Variants in ELP4 observed in about 807,000 individuals in gnomAD.
ELP4 encodes the protein elongator complex protein 4.
ELP4 carries 51 observed loss-of-function variants against 48.9 expected under a neutral mutation model. The ratio of observed to expected loss-of-function variants is 1.04; its 90% CI spans 0.83 to 1.32. The LOEUF (loss-of-function observed/expected upper bound fraction) is 1.32, where lower values mean the gene tolerates loss of function less well. Among genes scored for constraint, ELP4 ranks in the 40% most tolerant of loss-of-function variants. The pLI is 0.00. For missense variants in ELP4, 519 were observed against 514.6 expected (o/e 1.01, Z -0.08); for synonymous variants, 210 against 189.2 (o/e 1.11, Z -0.90).
chr11:31,738,714 C>G (rs570781802), intron 9 of ELP4, among the ~76,000 whole-genome samples: 2 of 151,848 alleles, frequency 1.3e-5, no homozygotes, highest in African/African-American at 4.8e-5. Context: ...GTACTATAGC[C>G]TGGGCAACAG....
chr11:31,648,921 T>A (rs1251106393), intron 8 of ELP4: 1 of 151,564 alleles, frequency 6.6e-6, no homozygotes, highest in Non-Finnish European at 1.5e-5. Context: ...ATAAGGCCTC[T>A]TGATAGCTAA....
chr11:31,555,929 CTGTAATTGT>C (rs1956924228), intron 3 of ELP4, among the ~76,000 whole-genome samples: 1 of 151,780 alleles, frequency 6.6e-6, no homozygotes, highest in South Asian at 2.1e-4. Flanking sequence ...GGGGAAAATG[CTGTAATTGT>C]TTGGTTTTAA....
At position 31,594,913 on chromosome 11, in the gene ELP4, T is replaced by C. The variant is rs1443769205; in HGVS notation, c.513+12T>C. 1.9e-6 allele frequency: 3 copies of C among 1,545,106 alleles called. No homozygotes were observed. ...TACCCAAGATGGAGGCAAGTAAACA[T>C]ACAAATTCTTTCCAAAATTTGCAAA... On this transcript the variant is annotated intron_variant, in intron 4 of 9. Transcript: ENST00000640961.
At chr11:31,693,211 A>G (rs552002534) in intron 9 of ELP4, among the ~76,000 whole-genome samples, 23 of 152,184 alleles carry the variant, frequency 1.5e-4, no homozygotes, top group African/African-American at 5.3e-4. Context: ...CATAACATGC[A>G]GGTTTGTTAC....
At chr11:31,762,093 A>G (rs1185653019) in intron 9 of ELP4, 1 of 152,236 alleles carries the variant, frequency 6.6e-6, no homozygotes, top group African/African-American at 2.4e-5. Flanking sequence ...GGCAGAAATG[A>G]TCTACAGTGA....
chr11:31,729,314 AG>A (rs1276408335), intron 9 of ELP4, among the ~76,000 whole-genome samples: 1 of 152,212 alleles, frequency 6.6e-6, no homozygotes, highest in Non-Finnish European at 1.5e-5. Flanking sequence ...TTCCGCAATT[AG>A]TATCTATGTA....
At chr11:31,555,457 G>A (rs928119328) in intron 3 of ELP4, among the ~76,000 whole-genome samples, 5 of 151,572 alleles carry the variant, frequency 3.3e-5, no homozygotes, top group Non-Finnish European at 7.4e-5. Flanking sequence ...TTACATATTT[G>A]TTATGGAATA....
At chr11:31,628,073 T>C (rs1424386990) in intron 6 of ELP4, among the ~76,000 whole-genome samples, 2 of 152,120 alleles carry the variant, frequency 1.3e-5, no homozygotes, top group Non-Finnish European at 2.9e-5. Flanking sequence ...GAAATACTTA[T>C]GTGTGTATGA....
chr11:31,771,480 C>T (rs1390743085), intron 9 of ELP4, among the ~76,000 whole-genome samples: 3 of 152,192 alleles, frequency 2.0e-5, no homozygotes, highest in African/African-American at 7.2e-5. Context: ...TCACTTACTA[C>T]ACTTTAGAAA....
intron 9 of ELP4, chr11:31,715,136 A>C (rs1242992291): frequency 4.7e-6 from 1 of 211,358 alleles, no homozygotes; most frequent in Non-Finnish European, 9.3e-6. Context: ...ATAAACTAAT[A>C]TTTCTCATTT....
chr11:31,634,977 G>A (rs890964980), intron 7 of ELP4, among the ~76,000 whole-genome samples: 1 of 151,782 alleles, frequency 6.6e-6, no homozygotes, highest in East Asian at 1.9e-4. Context: ...TTATCATATA[G>A]TAGTCTTCTG....
At chr11:31,737,927 C>T (rs531316086) in intron 9 of ELP4, among the ~76,000 whole-genome samples, 15 of 152,172 alleles carry the variant, frequency 9.9e-5, no homozygotes, top group South Asian at 6.2e-4. Context: ...TGCAGCAATT[C>T]GACTTCTGGC....
rs78993508 is a variant in ELP4, at chr11:31,759,442, T to C, written c.1144-23951T>C. ...TAGGGTAAGGAAAATATATCATTCA[T>C]GGATATGCAAACTATCCTTTCTTTT... On this transcript the variant is annotated intron_variant, in intron 9 of 9. Transcript: ENST00000640961. 9.5e-4 allele frequency among the ~76,000 whole-genome samples: 145 copies of C among 152,356 alleles called. 1 individual carries two copies. In the East Asian group the frequency reaches 0.024, roughly 25 times the overall value.
At chr11:31,673,681 A>G (rs1052700746) in intron 9 of ELP4, among the ~76,000 whole-genome samples, 7 of 152,198 alleles carry the variant, frequency 4.6e-5, no homozygotes, top group South Asian at 2.1e-4. Context: ...TGCATAAATC[A>G]TAGTCCCATT....
intron 1 of ELP4, chr11:31,511,215 C>T (rs1189633409): frequency 6.6e-6 from 1 of 152,090 alleles, no homozygotes; most frequent in African/African-American, 2.4e-5. Flanking sequence ...AGAAGTGATT[C>T]AAAATATCTA....
At chr11:31,700,511 T>A (rs1166198955) in intron 9 of ELP4, among the ~76,000 whole-genome samples, 1 of 152,038 alleles carries the variant, frequency 6.6e-6, no homozygotes, top group East Asian at 1.9e-4. Flanking sequence ...ATTTTTGGAT[T>A]TTTGGAATTG....
chr11:31,789,457 G>A lies in ELP4; in HGVS notation c.*5933G>A, dbSNP rs1246154713. ...TGTTCCAGGTTTAATTATATGCAAAGGAATGATACAAACTTGGAACATCAG... is the reference window on the plus strand; with the variant it reads ...TGTTCCAGGTTTAATTATATGCAAAAGAATGATACAAACTTGGAACATCAG... On this transcript the variant is annotated 3_prime_UTR_variant, in exon 10 of 10. Coordinates refer to ENST00000640961, the MANE Select transcript of ELP4 (RefSeq NM_019040.5). The A allele has an allele frequency of 6.5e-6, 3 of 462,566 alleles. No homozygotes were observed. The highest frequency in any genetic ancestry group is 2.0e-5 in the African/African-American group (1 of 49,478). 28.7% of individuals were successfully genotyped at this position (462,566 alleles called of 1,614,324 possible).
chr11:31,509,969 T>G lies in ELP4; in HGVS notation c.185T>G (p.Leu62Arg). ...TRPSVRNGQLLVSTGLPALDQ... is the reference protein window; with the variant it reads ...TRPSVRNGQLRVSTGLPALDQ... The stretch of plus-strand genomic sequence containing the variant: ...CCGTCGGTGCGGAATGGACAGCTGC[T>G]GGTATCAACCGGGCTCCCAGCCCTA... The change falls in exon 1 of 10, where the codon CTG (leucine) becomes CGG (arginine). Residue 62 changes from leucine to arginine, a missense_variant. Physicochemically the swap from Leu to Arg is moderately radical, Grantham distance 102 (BLOSUM62 -2). Transcript: ENST00000640961. 6.2e-7 allele frequency: 1 copy of G among 1,612,786 alleles called. No homozygotes were observed. The highest frequency in any genetic ancestry group is 8.5e-7 in the Non-Finnish European group (1 of 1,180,026).
At chr11:31,730,339 G>A (rs1261896265) in intron 9 of ELP4, among the ~76,000 whole-genome samples, 1 of 152,120 alleles carries the variant, frequency 6.6e-6, no homozygotes, top group Non-Finnish European at 1.5e-5. Context: ...ATGGTGGAAG[G>A]AGCAGAAGAG....
Sources: allele counts gnomAD v4.1 joint callset (sites outside exome capture counted in the v4.1 genomes callset), GRCh38; gene constraint gnomAD v4.1.1; transcripts MANE v1.5; gene names NCBI Gene and HGNC (gene_info 2026-07-23, HGNC 2026-07-21).